Variants in SNX29 observed in about 807,000 individuals in gnomAD.
SNX29 encodes sorting nexin 29.
In SNX29, 78 loss-of-function variants were observed where a neutral mutation model predicts 102.1. That is an observed-to-expected ratio of 0.76 (90% CI 0.64 to 0.92). SNX29 has a LOEUF of 0.92. Among genes scored for constraint, SNX29 ranks in the 40% least tolerant of loss-of-function variants. The pLI, the probability that SNX29 is intolerant of heterozygous loss-of-function variation, is 0.00. For missense variants in SNX29, 1,280 were observed against 1,061.7 expected, an observed-to-expected ratio of 1.21 and a Z score of -2.86; for synonymous variants, 580 against 414.5, an observed-to-expected ratio of 1.40 and a Z score of -4.85.
At chr16:12,390,327 A>G (rs7189197) in intron 16 of SNX29, among the ~76,000 whole-genome samples, 56,817 of 151,936 alleles carry the variant, frequency 0.37, 11,692 homozygotes, top group East Asian at 0.59. Context: ...CCGTCGGAGC[A>G]CAGACCAAAG....
At position 12,535,995 on chromosome 16, in the gene SNX29, C is replaced by G. The variant is rs559274612; in HGVS notation, c.2318+11154C>G. On this transcript the variant is annotated intron_variant, in intron 20 of 20. Coordinates refer to ENST00000566228, the MANE Select transcript of SNX29 (RefSeq NM_032167.5). Reference sequence around the variant, plus strand: ...GGCTGAGAAAAGGGGTCTTTGATACCTGTTCGACACGCACTCGGAGCTATC... The same window carrying G: ...GGCTGAGAAAAGGGGTCTTTGATACGTGTTCGACACGCACTCGGAGCTATC... Among the ~76,000 whole-genome samples, 4 of 152,286 alleles carry G rather than the reference C, an allele frequency of 2.6e-5. No individual in the cohort carries two copies. In the South Asian group the frequency reaches 6.2e-4, roughly 24 times the overall value.
intron 15 of SNX29, among the ~76,000 whole-genome samples, chr16:12,296,159 G>A (rs1481713111): frequency 2.6e-5 from 4 of 152,154 alleles, no homozygotes; most frequent in Admixed American, 6.5e-5. Context: ...GCTCTGGCTC[G>A]GGAGGAGAGG....
intron 3 of SNX29, among the ~76,000 whole-genome samples, chr16:12,014,338 C>T (rs1048914201): frequency 6.6e-6 from 1 of 152,102 alleles, no homozygotes; most frequent in African/African-American, 2.4e-5. Flanking sequence ...TTTGTCATTC[C>T]TCATCCGCCA....
chr16:12,358,149 T>C (rs1597060248), intron 16 of SNX29, among the ~76,000 whole-genome samples: 1 of 152,104 alleles, frequency 6.6e-6, no homozygotes, highest in Non-Finnish European at 1.5e-5. Flanking sequence ...TCTTAAACTT[T>C]ACTGAGTTTT....
chr16:12,563,691 C>T (rs1435984635), intron 20 of SNX29, among the ~76,000 whole-genome samples: 1 of 152,182 alleles, frequency 6.6e-6, no homozygotes, highest in Admixed American at 6.5e-5. Flanking sequence ...GGGGTCTGGC[C>T]TCATGTAAGA....
At chr16:12,523,807 G>A (rs1266076485) in intron 19 of SNX29, among the ~76,000 whole-genome samples, 1 of 152,238 alleles carries the variant, frequency 6.6e-6, no homozygotes, top group Non-Finnish European at 1.5e-5. Context: ...GGGGACCTGT[G>A]CCTGCCTTCT....
intron 16 of SNX29, among the ~76,000 whole-genome samples, chr16:12,397,000 G>A (rs571560788): frequency 4.9e-4 from 75 of 152,296 alleles, no homozygotes; most frequent in African/African-American, 1.6e-3. Flanking sequence ...ATGCTCCCAC[G>A]TCAGCCTCTG....
chr16:11,990,797 G>C (rs1200908586), intron 1 of SNX29, among the ~76,000 whole-genome samples: 2 of 152,180 alleles, frequency 1.3e-5, no homozygotes, highest in Non-Finnish European at 2.9e-5. Flanking sequence ...GCCTGCTGGG[G>C]AACTCTCACG....
intron 14 of SNX29, among the ~76,000 whole-genome samples, chr16:12,232,008 G>A (rs1308523422): frequency 6.6e-6 from 1 of 152,164 alleles, no homozygotes; most frequent in Non-Finnish European, 1.5e-5. Flanking sequence ...CTGGCCCTTT[G>A]TTTTAATGGA....
At chr16:12,559,237 A>C (rs1370066848) in intron 20 of SNX29, among the ~76,000 whole-genome samples, 1 of 151,682 alleles carries the variant, frequency 6.6e-6, no homozygotes, top group Non-Finnish European at 1.5e-5. Flanking sequence ...ACTCCCCATC[A>C]CTCGCATCAC....
intron 18 of SNX29, among the ~76,000 whole-genome samples, chr16:12,427,619 G>A (rs1182728688): frequency 3.9e-5 from 6 of 152,320 alleles, no homozygotes; most frequent in African/African-American, 1.4e-4. Flanking sequence ...GTGACCCAAA[G>A]CATCGGCCAT....
chr16:12,561,877 C>G (rs555208969), intron 20 of SNX29, among the ~76,000 whole-genome samples: 2 of 152,164 alleles, frequency 1.3e-5, no homozygotes, highest in East Asian at 1.9e-4. Flanking sequence ...TGGGCTGTCT[C>G]CTAGGTGACC....
intron 19 of SNX29, among the ~76,000 whole-genome samples, chr16:12,511,360 T>G (rs889361757): frequency 3.3e-5 from 5 of 152,182 alleles, no homozygotes; most frequent in African/African-American, 1.2e-4. Context: ...GAGCCTCAGT[T>G]TATGCTTTGC....
intron 19 of SNX29, among the ~76,000 whole-genome samples, chr16:12,518,238 C>A (rs1470283282): frequency 6.6e-6 from 1 of 152,090 alleles, no homozygotes; most frequent in African/African-American, 2.4e-5. Context: ...TTGATCAGAT[C>A]AGCTACCTGA....
intron 19 of SNX29, among the ~76,000 whole-genome samples, chr16:12,509,696 A>G (rs769430098): frequency 7.2e-5 from 11 of 152,110 alleles, no homozygotes; most frequent in Non-Finnish European, 1.2e-4. Flanking sequence ...AGGTGGGAGG[A>G]TGGCTTCAGC....
chr16:12,143,517 G>A (rs1440652174), intron 13 of SNX29, among the ~76,000 whole-genome samples: 1 of 152,120 alleles, frequency 6.6e-6, no homozygotes, highest in Non-Finnish European at 1.5e-5. Flanking sequence ...CCTAGATGTG[G>A]GATCTGAGAT....
intron 19 of SNX29, among the ~76,000 whole-genome samples, chr16:12,505,894 A>T (rs968498275): frequency 1.1e-4 from 17 of 150,612 alleles, no homozygotes; most frequent in African/African-American, 3.9e-4. Context: ...AATTTTTTCT[A>T]TTTAGGCCTT....
intron 4 of SNX29, among the ~76,000 whole-genome samples, chr16:12,039,796 C>T (rs2057576354): frequency 6.6e-6 from 1 of 152,154 alleles, no homozygotes; most frequent in Non-Finnish European, 1.5e-5. Flanking sequence ...TCTGGGGTCC[C>T]TTTCTGCCAT....
chr16:12,049,856 A>G (rs1208915279), intron 7 of SNX29, among the ~76,000 whole-genome samples: 1 of 152,116 alleles, frequency 6.6e-6, no homozygotes, highest in African/African-American at 2.4e-5. Context: ...GCCTCAAGTG[A>G]TCCTCCTGCC....
Sources: allele counts gnomAD v4.1 joint callset (sites outside exome capture counted in the v4.1 genomes callset), GRCh38; gene constraint gnomAD v4.1.1; transcripts MANE v1.5; gene names NCBI Gene and HGNC (gene_info 2026-07-23, HGNC 2026-07-21).